Variants in SNX29 observed in about 807,000 individuals in gnomAD.
The protein encoded by SNX29 is sorting nexin 29, also known as sorting nexin-29.
SNX29 carries 78 observed loss-of-function variants against 102.1 expected under a neutral mutation model. The observed-to-expected ratio is 0.76, with a 90% CI of 0.64 to 0.92. The LOEUF (loss-of-function observed/expected upper bound fraction) is 0.92. SNX29 is among the 40% of genes least tolerant of loss of function. The probability of loss-of-function intolerance (pLI) is 0.00; values close to 1 mark genes in which losing one functional copy is unlikely to be tolerated. For missense variants in SNX29, 1,280 were observed against 1,061.7 expected, an observed-to-expected ratio of 1.21 and a Z score of -2.86; for synonymous variants, 580 against 414.5, an observed-to-expected ratio of 1.40 and a Z score of -4.85.
At chr16:12,170,415 TCTC>T (rs1469687319) in intron 13 of SNX29, among the ~76,000 whole-genome samples, 2 of 151,732 alleles carry the variant, frequency 1.3e-5, no homozygotes, top group Admixed American at 6.6e-5. Flanking sequence ...CAGCTCTGGG[TCTC>T]CTCTGTTACG....
At chr16:12,075,063 C>T (rs1433729357) in intron 10 of SNX29, among the ~76,000 whole-genome samples, 1 of 152,236 alleles carries the variant, frequency 6.6e-6, no homozygotes, top group African/African-American at 2.4e-5. Flanking sequence ...GTTATACATT[C>T]GTCTAAATTT....
intron 19 of SNX29, among the ~76,000 whole-genome samples, chr16:12,486,335 C>T (rs925104891): frequency 1.3e-5 from 2 of 152,292 alleles, no homozygotes; most frequent in East Asian, 1.9e-4. Context: ...TGCAGTGGCC[C>T]CTGTACAGTA....
intron 13 of SNX29, among the ~76,000 whole-genome samples, chr16:12,182,112 C>A (rs1464079963): frequency 6.6e-6 from 1 of 150,946 alleles, no homozygotes; most frequent in Admixed American, 6.6e-5. Flanking sequence ...GTCTTGAACT[C>A]CTGACCTCAG....
intron 11 of SNX29, among the ~76,000 whole-genome samples, 159 bp from the exon 12 acceptor site, chr16:12,126,474 C>T (rs1376600447): frequency 6.6e-6 from 1 of 152,244 alleles, no homozygotes; most frequent in African/African-American, 2.4e-5. Context: ...GGACCCTGAT[C>T]AGCCGAGTCT....
intron 1 of SNX29, among the ~76,000 whole-genome samples, chr16:11,978,074 T>C (rs1396250419): frequency 6.6e-6 from 1 of 152,082 alleles, no homozygotes; most frequent in Non-Finnish European, 1.5e-5. Flanking sequence ...CCTTTTTTGT[T>C]GGTTGGTTGT....
At chr16:12,147,311 C>T (rs775803339) in intron 13 of SNX29, among the ~76,000 whole-genome samples, 70 of 152,250 alleles carry the variant, frequency 4.6e-4, no homozygotes, top group Non-Finnish European at 6.2e-4. Flanking sequence ...CCATCGCTTT[C>T]CCCCATCAAA....
chr16:12,187,638 T>C (rs1328540455), intron 13 of SNX29, among the ~76,000 whole-genome samples: 1 of 152,192 alleles, frequency 6.6e-6, no homozygotes, highest in Non-Finnish European at 1.5e-5. Context: ...GGAAACAATT[T>C]TCTATTTCAT....
intron 1 of SNX29, among the ~76,000 whole-genome samples, chr16:11,989,852 G>C (rs905774601): frequency 2.0e-5 from 3 of 152,226 alleles, no homozygotes; most frequent in Non-Finnish European, 4.4e-5. Flanking sequence ...CTGCAGGAAG[G>C]CTTCTCTGAG....
rs576140144 is a variant in SNX29 at position 12,569,699 on chromosome 16, G to C, written c.*1070G>C. 4.3e-6 allele frequency: 1 copy of C among 230,396 alleles called. No individual in the cohort carries two copies. Among genetic ancestry groups the C allele is most frequent in the Non-Finnish European group, 8.6e-6 (1 of 116,386 alleles). 14.3% of individuals were successfully genotyped at this position (230,396 alleles called of 1,614,324 possible). A position where few individuals can be genotyped will look rare whatever the true frequency, so the allele number is the denominator to read the frequency against. ...CAGAGTACAGGGACCTTGGCAGGTG[G>C]AGAGGAGGATGGGGACCAGCAGCTG... On this transcript the variant is annotated 3_prime_UTR_variant, in exon 21 of 21. Coordinates refer to ENST00000566228, the MANE Select transcript of SNX29 (RefSeq NM_032167.5).
At chr16:12,519,186 A>G (rs1168366493) in intron 19 of SNX29, among the ~76,000 whole-genome samples, 2 of 152,216 alleles carry the variant, frequency 1.3e-5, no homozygotes, top group Non-Finnish European at 2.9e-5. Context: ...GTTTCAGAAC[A>G]TTGCTCAGGC....
chr16:11,996,468 A>G (rs1447968043), intron 1 of SNX29, among the ~76,000 whole-genome samples: 1 of 152,228 alleles, frequency 6.6e-6, no homozygotes, highest in Non-Finnish European at 1.5e-5. Flanking sequence ...GCACTGCATT[A>G]AAAAATTATC....
At chr16:12,549,494 T>A (rs1026273597) in intron 20 of SNX29, among the ~76,000 whole-genome samples, 1 of 74,972 alleles carries the variant, frequency 1.3e-5, no homozygotes, top group African/African-American at 8.8e-5. Context: ...TCCTCACACA[T>A]ACAAAGATGT....
rs192963826 is a variant in SNX29 at position 12,183,935 on chromosome 16, C to A, written c.1596-15666C>A. Reference sequence around the variant, plus strand: ...ATGCCATGGCAACATCAAGAAGTTACCCTGTATGGTCTAAAAGGGGGGTAT... The same window carrying A: ...ATGCCATGGCAACATCAAGAAGTTAACCTGTATGGTCTAAAAGGGGGGTAT... On this transcript the variant is annotated intron_variant, in intron 13 of 20. Transcript: ENST00000566228. 6.2e-3 allele frequency among the ~76,000 whole-genome samples: 943 copies of A among 152,286 alleles called. 5 individuals carry two copies. The highest frequency in any genetic ancestry group is 0.01 in the Non-Finnish European group (694 of 68,024).
At chr16:12,512,049 C>G (rs748349927) in intron 19 of SNX29, among the ~76,000 whole-genome samples, 10 of 151,902 alleles carry the variant, frequency 6.6e-5, no homozygotes, top group Non-Finnish European at 1.2e-4. Context: ...GAGGGCCTTG[C>G]AGCGGATGGG....
intron 4 of SNX29, among the ~76,000 whole-genome samples, chr16:12,032,559 C>A (rs888397296): frequency 5.9e-5 from 9 of 151,792 alleles, no homozygotes; most frequent in African/African-American, 1.9e-4. Context: ...TATGTAGAGC[C>A]CATATTTTGT....
intron 15 of SNX29, among the ~76,000 whole-genome samples, chr16:12,317,455 G>T (rs372483401): frequency 8.5e-5 from 13 of 152,282 alleles, no homozygotes; most frequent in African/African-American, 2.9e-4. Flanking sequence ...GGGCAGCTGG[G>T]CCCCACATCC....
chr16:12,541,061 C>T (rs145280641), intron 20 of SNX29, among the ~76,000 whole-genome samples: 1 of 152,154 alleles, frequency 6.6e-6, no homozygotes, highest in South Asian at 2.1e-4. Context: ...ATTTAGTTTC[C>T]TGAGTTATTG....
intron 15 of SNX29, among the ~76,000 whole-genome samples, chr16:12,333,356 C>G (rs534605973): frequency 6.6e-6 from 1 of 151,950 alleles, no homozygotes; most frequent in South Asian, 2.1e-4. Flanking sequence ...CTGCCTGCCT[C>G]GGCCTCCCAA....
At chr16:12,129,530 A>G in intron 12 of SNX29, 100 bp from the exon 13 acceptor site, 1 of 1,408,312 alleles carries the variant, frequency 7.1e-7, no homozygotes, top group Non-Finnish European at 9.4e-7. Context: ...CCTTGTGGAA[A>G]ACGCATGGCT....
Sources: allele counts gnomAD v4.1 joint callset (sites outside exome capture counted in the v4.1 genomes callset), GRCh38; gene constraint gnomAD v4.1.1; transcripts MANE v1.5; gene names NCBI Gene and HGNC (gene_info 2026-07-23, HGNC 2026-07-21).